Variants in EDARADD observed in about 807,000 individuals in gnomAD.
EDARADD encodes the protein ectodysplasin-A receptor-associated adapter protein.
A neutral mutation model predicts 25.6 loss-of-function variants in EDARADD; 20 were observed. The ratio of observed to expected loss-of-function variants is 0.78; its 90% CI spans 0.55 to 1.14. EDARADD has a LOEUF of 1.14. EDARADD is among the 50% of genes most tolerant of loss of function. The probability of loss-of-function intolerance (pLI) is 0.00; values close to 1 mark genes in which losing one functional copy is unlikely to be tolerated. For synonymous variants in EDARADD, 86 were observed against 94.4 expected (o/e 0.91, Z 0.52); for missense variants, 225 against 270.1 (o/e 0.83, Z 1.17).
chr1:236,463,865 TC>T (rs1388472519), intron 4 of EDARADD, among the ~76,000 whole-genome samples: 1 of 152,168 alleles, frequency 6.6e-6, no homozygotes, highest in Non-Finnish European at 1.5e-5. Flanking sequence ...TGTCTTTTCA[TC>T]ATCAAGGTCC....
intron 1 of EDARADD, among the ~76,000 whole-genome samples, chr1:236,403,602 T>G (rs189233070): frequency 1.7e-3 from 266 of 152,254 alleles, no homozygotes; most frequent in African/African-American, 6.0e-3. Context: ...CTTTGAAAGT[T>G]TAATTGTGAA....
chr1:236,349,195 G>A (rs971024947), intron 2 of EDARADD, among the ~76,000 whole-genome samples: 3 of 151,358 alleles, frequency 2.0e-5, no homozygotes, highest in Admixed American at 6.6e-5. Flanking sequence ...TTTTTTGAGA[G>A]GGAGTTTGCT....
chr1:236,394,351 A>G lies in EDARADD; in HGVS notation c.-94A>G. ...AGAGAGCTTTCATCTAGAAGGTTTG[A>G]CTCTGGCCAGACAACCAGCGAGCAT... is the stretch of plus-strand genomic sequence containing the variant. On this transcript the variant is annotated 5_prime_UTR_variant, in exon 1 of 6. Transcript: ENST00000334232. The G allele has an allele frequency of 1.8e-5, 24 of 1,367,542 alleles. No individual in the cohort carries two copies. Among genetic ancestry groups the G allele is most frequent in the Non-Finnish European group, 2.4e-5 (23 of 958,136 alleles). The allele number at this position is 1,367,542 out of a possible 1,614,324, so 84.7% of individuals were successfully genotyped here.
At chr1:236,477,539 G>T (rs1427260297) in intron 5 of EDARADD, among the ~76,000 whole-genome samples, 4 of 152,144 alleles carry the variant, frequency 2.6e-5, no homozygotes, top group South Asian at 4.1e-4. Context: ...TGATGTGGGG[G>T]TTCCAAGTGA....
chr1:236,446,041 A>G (rs575432985), intron 4 of EDARADD, among the ~76,000 whole-genome samples: 28 of 152,332 alleles, frequency 1.8e-4, no homozygotes, highest in African/African-American at 6.7e-4. Flanking sequence ...TCTGCAGCGC[A>G]TGGCACTTAT....
chr1:236,464,148 G>C (rs942949650), intron 4 of EDARADD, among the ~76,000 whole-genome samples: 1 of 152,084 alleles, frequency 6.6e-6, no homozygotes, highest in African/African-American at 2.4e-5. Context: ...GGTATCAGCC[G>C]GCCACCACCC....
intron 5 of EDARADD, among the ~76,000 whole-genome samples, chr1:236,474,135 C>T (rs1301185371): frequency 6.6e-6 from 1 of 152,066 alleles, no homozygotes; most frequent in East Asian, 1.9e-4. Flanking sequence ...CGAAGAGCAC[C>T]ATCCAATACA....
At chr1:236,467,280 C>G (rs1659223038) in intron 4 of EDARADD, among the ~76,000 whole-genome samples, 1 of 131,522 alleles carries the variant, frequency 7.6e-6, no homozygotes, top group African/African-American at 2.8e-5. Flanking sequence ...GCCTCTTGTG[C>G]TTCTTCAGTA....
chr1:236,448,953 G>A (rs983841059), intron 4 of EDARADD, among the ~76,000 whole-genome samples: 12 of 152,114 alleles, frequency 7.9e-5, no homozygotes, highest in African/African-American at 2.4e-4. Context: ...CCACAAAGTC[G>A]GAGGCTCAAA....
At chr1:236,437,705 C>T (rs1658295070) in intron 4 of EDARADD, among the ~76,000 whole-genome samples, 1 of 149,250 alleles carries the variant, frequency 6.7e-6, no homozygotes, top group Admixed American at 6.7e-5. Flanking sequence ...GAGGCTACAA[C>T]AAATCTGAAC....
intron 4 of EDARADD, among the ~76,000 whole-genome samples, chr1:236,433,965 A>G (rs1658175816): frequency 6.6e-6 from 1 of 151,814 alleles, no homozygotes; most frequent in African/African-American, 2.4e-5. Flanking sequence ...TTAATAATTC[A>G]GAAACATTTT....
chr1:236,478,529 G>C (rs1378531095), intron 5 of EDARADD, among the ~76,000 whole-genome samples: 2 of 151,676 alleles, frequency 1.3e-5, no homozygotes, highest in Non-Finnish European at 2.9e-5. Context: ...CCATAAAAAG[G>C]AATGAATTAA....
At chr1:236,354,913 T>G (rs2102990020) in intron 3 of EDARADD, among the ~76,000 whole-genome samples, 1 of 152,324 alleles carries the variant, frequency 6.6e-6, no homozygotes. Flanking sequence ...TTGGCTCCCC[T>G]CATAAATATG....
intron 4 of EDARADD, among the ~76,000 whole-genome samples, chr1:236,467,441 C>CACACACACACACACACAT (rs1384380255): frequency 6.6e-6 from 1 of 151,382 alleles, no homozygotes; most frequent in Non-Finnish European, 1.5e-5. Flanking sequence ...CACACACACA[C>CACACACACACACACACAT]ACACACACAC....
intron 5 of EDARADD, among the ~76,000 whole-genome samples, chr1:236,477,216 T>A (rs1659533863): frequency 1.3e-5 from 2 of 152,226 alleles, no homozygotes; most frequent in South Asian, 4.1e-4. Context: ...TTATTAGTCA[T>A]TAGAAGAACT....
intron 2 of EDARADD, among the ~76,000 whole-genome samples, chr1:236,410,540 A>T (rs1180428045): frequency 2.0e-5 from 3 of 152,104 alleles, no homozygotes; most frequent in Non-Finnish European, 2.9e-5. Flanking sequence ...AGGACAGTTA[A>T]TGGAAGTGTG....
chr1:236,394,571 T>C, intron 1 of EDARADD, 66 bp downstream of exon 1: 3 of 1,465,478 alleles, frequency 2.0e-6, no homozygotes, highest in Non-Finnish European at 9.4e-7. Flanking sequence ...GGTTGCTTAT[T>C]TACGATAATT....
rs34634477 is a variant in EDARADD at position 236,372,914 on chromosome 1, ATTTTTTT to A, written c.-6+22088_-6+22094del. Among the ~76,000 whole-genome samples, 387 of 113,602 alleles carry A rather than the reference ATTTTTTT, an allele frequency of 3.4e-3. 3 individuals carry two copies. The highest frequency in any genetic ancestry group is 0.021 in the Middle Eastern group (4 of 194). 74.5% of individuals were successfully genotyped at this position (113,602 alleles called of 152,430 possible). A position where few individuals can be genotyped will look rare whatever the true frequency, so the allele number is the denominator to read the frequency against. On this transcript the variant is annotated intron_variant, in intron 3 of 7. Coordinates refer to the EDARADD transcript ENST00000439430. Reference sequence around the variant, plus strand: ...GGATCATTGTGATGTCTCTTCTTACATTTTTTTTTTTTTTTTTTTGAGACAGAGTCGC... The same window carrying A: ...GGATCATTGTGATGTCTCTTCTTACATTTTTTTTTTTTGAGACAGAGTCGC...
At chr1:236,455,282 GCAACCAGCTCA>G (rs1658828620) in intron 4 of EDARADD, among the ~76,000 whole-genome samples, 1 of 152,026 alleles carries the variant, frequency 6.6e-6, no homozygotes, top group Admixed American at 6.6e-5. Flanking sequence ...GCTTGGCAGG[GCAACCAGCTCA>G]CCAGACTCTC....
Sources: allele counts gnomAD v4.1 joint callset (sites outside exome capture counted in the v4.1 genomes callset), GRCh38; gene constraint gnomAD v4.1.1; transcripts MANE v1.5; gene names NCBI Gene and HGNC (gene_info 2026-07-23, HGNC 2026-07-21).